The following TBL1XR1 variants were observed in gnomAD, a reference collection of about 807,000 sequenced individuals.
TBL1XR1 encodes the protein F-box-like/WD repeat-containing protein TBL1XR1.
In TBL1XR1, 5 loss-of-function variants were observed where a neutral mutation model predicts 66.9. That is an observed-to-expected ratio of 0.07 (90% confidence interval 0.04 to 0.16). TBL1XR1 has a LOEUF of 0.16. TBL1XR1 is among the 10% of genes least tolerant of loss of function. The probability of loss-of-function intolerance (pLI) is 1.00; values close to 1 mark genes in which losing one functional copy is unlikely to be tolerated. For synonymous variants in TBL1XR1, 210 were observed against 206.0 expected (o/e 1.02, Z -0.17); for missense variants, 238 against 623.2 (o/e 0.38, Z 6.58).
rs1712840322 is a variant in TBL1XR1, at chr3:177,024,705, A to G, written c.*793T>C. The G allele has an allele frequency of 6.8e-6, 1 of 146,020 alleles. No individual in the cohort carries two copies. The highest frequency in any genetic ancestry group is 1.5e-5 in the Non-Finnish European group (1 of 66,692). The allele number at this position is 146,020 out of a possible 1,614,324, so 9.0% of individuals were successfully genotyped here. On this transcript the variant is annotated 3_prime_UTR_variant, in exon 16 of 16. Coordinates refer to ENST00000457928, the MANE Select transcript of TBL1XR1 (RefSeq NM_024665.7). ...TGCATTTAAGCCACATCACCAAAAA[A>G]CAAAAAAGAAAAAAAAAAAAAAAAA...
rs1712098740 is a variant in TBL1XR1, at chr3:177,019,580, C to T, written c.*5918G>A. On this transcript the variant is annotated 3_prime_UTR_variant, in exon 16 of 16. Transcript: ENST00000457928. ...ACCATAAAACTACCATCTAAAGTGT[C>T]TTTTCCTCCACTGTATTTTTTCAAA... 1 of 152,112 alleles carries T rather than the reference C, an allele frequency of 6.6e-6. No individual in the cohort carries two copies. The highest frequency in any genetic ancestry group is 2.4e-5 in the African/African-American group (1 of 41,420). The allele number at this position is 152,112 out of a possible 1,614,324, so 9.4% of individuals were successfully genotyped here.
chr3:177,123,488 G>A (rs1727234252), intron 1 of TBL1XR1, among the ~76,000 whole-genome samples: 1 of 151,982 alleles, frequency 6.6e-6, no homozygotes, highest in Non-Finnish European at 1.5e-5. Flanking sequence ...TTTTAAACAT[G>A]GAAGAGGCTA....
chr3:177,163,657 T>A (rs7613164), intron 1 of TBL1XR1, among the ~76,000 whole-genome samples: 3 of 151,936 alleles, frequency 2.0e-5, no homozygotes, highest in Non-Finnish European at 4.4e-5. Context: ...TACACTTAAT[T>A]ACTTTTATAT....
chr3:177,101,169 ATT>A (rs36126231), intron 1 of TBL1XR1, among the ~76,000 whole-genome samples: 3 of 151,274 alleles, frequency 2.0e-5, no homozygotes, highest in Admixed American at 1.3e-4. Context: ...GACAATCGCT[ATT>A]TTTTTTTCAG....
At chr3:177,178,195 T>C (rs1734380924) in intron 1 of TBL1XR1, among the ~76,000 whole-genome samples, 1 of 152,134 alleles carries the variant, frequency 6.6e-6, no homozygotes, top group Non-Finnish European at 1.5e-5. Context: ...AGGGGCCAGA[T>C]CGCACAGCAG....
At chr3:177,174,325 C>T (rs1291895526) in intron 1 of TBL1XR1, among the ~76,000 whole-genome samples, 1 of 138,974 alleles carries the variant, frequency 7.2e-6, no homozygotes, top group African/African-American at 2.7e-5. Context: ...AGAAGAATGG[C>T]GTGAACCCAG....
intron 2 of TBL1XR1, among the ~76,000 whole-genome samples, chr3:177,075,681 T>G (rs1238467294): frequency 6.6e-6 from 1 of 152,176 alleles, no homozygotes; most frequent in African/African-American, 2.4e-5. Flanking sequence ...AGACTACTCA[T>G]TACACAATAA....
chr3:177,104,684 A>C (rs1724653820), intron 1 of TBL1XR1, among the ~76,000 whole-genome samples: 1 of 152,358 alleles, frequency 6.6e-6, no homozygotes, highest in East Asian at 1.9e-4. Flanking sequence ...ACCAATTTTT[A>C]AAAATAAGCT....
intron 1 of TBL1XR1, among the ~76,000 whole-genome samples, chr3:177,168,589 G>A (rs1386138856): frequency 5.9e-5 from 9 of 152,108 alleles, no homozygotes; most frequent in East Asian, 5.8e-4. Flanking sequence ...GCCATGAACC[G>A]TTTTCTAAAG....
At chr3:177,033,526 A>G (rs1393027414) in intron 13 of TBL1XR1, among the ~76,000 whole-genome samples, 2 of 151,674 alleles carry the variant, frequency 1.3e-5, no homozygotes, top group Non-Finnish European at 2.9e-5. Flanking sequence ...TTTTTTTTCT[A>G]AAGATACTGA....
At chr3:177,165,349 CTAAA>C (rs1374902105) in intron 1 of TBL1XR1, among the ~76,000 whole-genome samples, 1 of 152,090 alleles carries the variant, frequency 6.6e-6, no homozygotes, top group Non-Finnish European at 1.5e-5. Context: ...AATCAAAGAA[CTAAA>C]TAAATGGAGA....
At chr3:177,032,404 A>G (rs1013479301) in intron 14 of TBL1XR1, 19 of 152,256 alleles carry the variant, frequency 1.2e-4, no homozygotes, top group African/African-American at 4.1e-4. Context: ...CAAAGATCCG[A>G]TAACTGAGAG....
At chr3:177,165,263 A>G (rs149425074) in intron 1 of TBL1XR1, among the ~76,000 whole-genome samples, 65 of 152,340 alleles carry the variant, frequency 4.3e-4, no homozygotes, top group African/African-American at 1.4e-3. Flanking sequence ...AGTGAAAAAC[A>G]CAAAACCATT....
intron 1 of TBL1XR1, among the ~76,000 whole-genome samples, chr3:177,125,475 A>G (rs1185071373): frequency 6.6e-6 from 1 of 152,198 alleles, no homozygotes; most frequent in African/African-American, 2.4e-5. Flanking sequence ...TCCTTTGGAA[A>G]ACAGTCTGGC....
At chr3:177,118,054 A>ACT (rs1309655973) in intron 1 of TBL1XR1, among the ~76,000 whole-genome samples, 1 of 152,198 alleles carries the variant, frequency 6.6e-6, no homozygotes, top group African/African-American at 2.4e-5. Flanking sequence ...ACGAATTGTG[A>ACT]CTTTCTTTCT....
intron 1 of TBL1XR1, among the ~76,000 whole-genome samples, chr3:177,193,239 A>C (rs1736392293): frequency 6.6e-6 from 1 of 150,508 alleles, no homozygotes; most frequent in African/African-American, 2.4e-5. Context: ...TAAAGGATAG[A>C]GCCTGAGTTT....
chr3:177,167,227 T>C (rs1281312021), intron 1 of TBL1XR1, among the ~76,000 whole-genome samples: 2 of 152,006 alleles, frequency 1.3e-5, no homozygotes, highest in Non-Finnish European at 2.9e-5. Flanking sequence ...TATTACTACA[T>C]GAAAGAAGTC....
chr3:177,142,706 A>T (rs1048993883), intron 1 of TBL1XR1, among the ~76,000 whole-genome samples: 9 of 152,224 alleles, frequency 5.9e-5, no homozygotes, highest in African/African-American at 2.2e-4. Context: ...AGCAAGTGAA[A>T]TAAAAATTTA....
chr3:177,029,127 A>G (rs1219294989), intron 14 of TBL1XR1, among the ~76,000 whole-genome samples: 2 of 152,034 alleles, frequency 1.3e-5, no homozygotes, highest in Non-Finnish European at 2.9e-5. Flanking sequence ...ATGAAAAAAA[A>G]AAAAAGCTAT....
Sources: gnomAD v4.1 joint callset for allele counts (sites outside exome capture counted in the v4.1 genomes callset) on GRCh38, gnomAD v4.1.1 for gene constraint, MANE v1.5 for transcripts, NCBI Gene and HGNC (gene_info 2026-07-23, HGNC 2026-07-21) for gene names.